The following NF2 variants were observed in gnomAD, a reference collection of about 807,000 sequenced individuals.
The protein encoded by NF2 is merlin.
A neutral mutation model predicts 83.7 loss-of-function variants in NF2; 8 were observed. That is an observed-to-expected ratio of 0.10 (90% CI 0.06 to 0.17). NF2 has a LOEUF of 0.17. Among genes scored for constraint, NF2 ranks in the 10% least tolerant of loss-of-function variants. NF2 has a pLI of 1.00. For missense variants in NF2, 533 were observed against 744.4 expected (o/e 0.72, Z 3.31); for synonymous variants, 266 against 269.6 (o/e 0.99, Z 0.13).
At chr22:29,608,172 CAA>C (rs570144418) in intron 1 of NF2, among the ~76,000 whole-genome samples, 471 of 31,614 alleles carry the variant, frequency 0.015, no homozygotes, top group Middle Eastern at 0.056. Flanking sequence ...GACTCTGTCT[CAA>C]AAAAAAAAAA....
In NF2 at chr22:29,636,791, G is replaced by A. The variant is rs1185209056; in HGVS notation, c.155G>A (p.Arg52Gln). 5.0e-6 allele frequency: 8 copies of A among 1,614,114 alleles called. No homozygotes were observed. Among genetic ancestry groups the A allele is most frequent in the Non-Finnish European group, 5.9e-6 (7 of 1,180,018 alleles). The change falls in exon 2 of 16, where the codon CGG (arginine) becomes CAG (glutamine). Residue 52 changes from arginine (R) to glutamine (Q), a missense_variant. Arg to Gln is a conservative substitution (Grantham distance 43, BLOSUM62 1). Coordinates refer to ENST00000338641, the MANE Select transcript of NF2 (RefSeq NM_000268.4). This position sits in a 1 kb window ranked among gnomAD's most constrained non-coding sequence, Gnocchi z 4.4. The stretch of plus-strand genomic sequence containing the variant: ...AAGGACCTCTTTGATTTGGTGTGCC[G>A]GACTCTGGGGCTCCGAGAAACCTGG... ...KGKDLFDLVC[R>Q]TLGLRETWFF...
intron 1 of NF2, among the ~76,000 whole-genome samples, chr22:29,608,059 G>A (rs1324384248): frequency 6.7e-6 from 1 of 149,242 alleles, no homozygotes; most frequent in Non-Finnish European, 1.5e-5. Flanking sequence ...TGTAGTCCCA[G>A]CTACGCGGGA....
At chr22:29,637,970 A>T (rs118004234) in intron 2 of NF2, among the ~76,000 whole-genome samples, 2,482 of 152,328 alleles carry the variant, frequency 0.016, 29 homozygotes, top group Middle Eastern at 0.037. Flanking sequence ...GTTTTTCATG[A>T]TTCTTAGCAA....
At chr22:29,659,187 A>G (rs1296583113) in intron 7 of NF2, among the ~76,000 whole-genome samples, 1 of 152,206 alleles carries the variant, frequency 6.6e-6, no homozygotes, top group Non-Finnish European at 1.5e-5. Context: ...AAGTTCTGTC[A>G]GTTTGTATTT....
chr22:29,633,976 C>A (rs939936543), intron 1 of NF2, among the ~76,000 whole-genome samples: 1 of 152,198 alleles, frequency 6.6e-6, no homozygotes, highest in Non-Finnish European at 1.5e-5. Context: ...CAATATCTGA[C>A]TCTTCTGAGA....
chr22:29,619,386 T>TTTTGTTTG lies in NF2; in HGVS notation c.114+15294_114+15301dup, dbSNP rs199935839. Among the ~76,000 whole-genome samples the TTTTGTTTG allele has an allele frequency of 2.5e-3, 370 of 148,716 alleles. 2 individuals are homozygous for TTTTGTTTG. The highest frequency in any genetic ancestry group is 5.9e-3 in the African/African-American group (237 of 40,230). ...ACCGCTGTGCTCTCCCATGGGTTTT[T>TTTTGTTTG]TTTGTTTGTTTGTTTGTTTGTTTGT... On this transcript the variant is annotated intron_variant, in intron 1 of 15. Coordinates refer to ENST00000338641, the MANE Select transcript of NF2 (RefSeq NM_000268.4).
chr22:29,659,001 C>T (rs1875820281), intron 7 of NF2, among the ~76,000 whole-genome samples: 1 of 152,126 alleles, frequency 6.6e-6, no homozygotes, highest in Non-Finnish European at 1.5e-5. Context: ...TGGGTTCCTA[C>T]AGTTGTTGTA....
At chr22:29,629,868 G>A (rs1307118913) in intron 1 of NF2, among the ~76,000 whole-genome samples, 1 of 152,188 alleles carries the variant, frequency 6.6e-6, no homozygotes, top group African/African-American at 2.4e-5. Context: ...CCACATTTTA[G>A]TATTCTCTTT....
chr22:29,681,682 T>A, intron 15 of NF2, 81 bp downstream of exon 15: 1 of 1,541,084 alleles, frequency 6.5e-7, no homozygotes, highest in Non-Finnish European at 9.0e-7. Context: ...GTTTCCTCAG[T>A]AGCCAAGTCA....
At chr22:29,651,284 T>C (rs2066141003) in intron 4 of NF2, among the ~76,000 whole-genome samples, 1 of 152,238 alleles carries the variant, frequency 6.6e-6, no homozygotes, top group Admixed American at 6.5e-5. Flanking sequence ...AACCTAAGTA[T>C]TGGCTCCACA....
Position 29,695,918 on chromosome 22 carries a change from C to CCT in NF2, c.*1118_*1119dup, listed in dbSNP as rs1282021996. On this transcript the variant is annotated 3_prime_UTR_variant, in exon 16 of 16. Coordinates refer to ENST00000338641, the MANE Select transcript of NF2 (RefSeq NM_000268.4). This position sits in a 1 kb window ranked among gnomAD's most constrained non-coding sequence, Gnocchi z 5.4. ...GGGGCCAGCCAGGGCCCTTTGTGCC[C>CCT]CTCCCAGCACAGGCCTGATGCAGGT... 1 of 233,388 alleles carries CCT rather than the reference C, an allele frequency of 4.3e-6. No individual in the cohort carries two copies. Among genetic ancestry groups the CCT allele is most frequent in the Non-Finnish European group, 8.5e-6 (1 of 118,216 alleles). The allele number at this position is 233,388 out of a possible 1,614,324, so 14.5% of individuals were successfully genotyped here.
At chr22:29,679,027 C>T (rs1035573673) in intron 14 of NF2, among the ~76,000 whole-genome samples, 2 of 152,252 alleles carry the variant, frequency 1.3e-5, no homozygotes, top group African/African-American at 2.4e-5. Context: ...AGCTACCATG[C>T]ATTGAGTGCC....
intron 10 of NF2, among the ~76,000 whole-genome samples, chr22:29,669,039 T>C (rs968310245): frequency 5.3e-5 from 8 of 152,240 alleles, no homozygotes; most frequent in African/African-American, 1.9e-4. Flanking sequence ...GCCTTACTGC[T>C]GAGAATATCA....
chr22:29,639,336 G>A (rs1298049348), intron 3 of NF2, 124 bp downstream of exon 3: 1 of 1,247,006 alleles, frequency 8.0e-7, no homozygotes, highest in Non-Finnish European at 1.2e-6. Flanking sequence ...TGGAAGGTCA[G>A]CCCCTTTGGT....
Position 29,694,989 on chromosome 22 carries a change from A to G in NF2, c.*187A>G. 1 of 659,954 alleles carries G rather than the reference A, an allele frequency of 1.5e-6. No homozygotes were observed. The highest frequency in any genetic ancestry group is 2.7e-6 in the Non-Finnish European group (1 of 366,548). The allele number at this position is 659,954 out of a possible 1,614,324, so 40.9% of individuals were successfully genotyped here. A position where few individuals can be genotyped will look rare whatever the true frequency, so the allele number is the denominator to read the frequency against. On this transcript the variant is annotated 3_prime_UTR_variant, in exon 16 of 16. Transcript: ENST00000338641. This position sits in a 1 kb window ranked among gnomAD's most constrained non-coding sequence, Gnocchi z 4.1. ...CAATTGCCTTGAACTACGACCCTGT[A>G]GAGATTTCTCTCATGGCGTTCTAGT...
At chr22:29,683,069 G>T in intron 15 of NF2, 1 of 1,614,204 alleles carries the variant, frequency 6.2e-7, no homozygotes. Context: ...CTCAAAGTAG[G>T]TTGTTCCCAG....
At chr22:29,608,556 C>T (rs1352944003) in intron 1 of NF2, among the ~76,000 whole-genome samples, 11 of 151,244 alleles carry the variant, frequency 7.3e-5, no homozygotes, top group African/African-American at 2.4e-5. Flanking sequence ...GTAACCCCAG[C>T]TACTTGGGAG....
intron 1 of NF2, among the ~76,000 whole-genome samples, chr22:29,620,994 A>C (rs1156837919): frequency 6.6e-6 from 1 of 152,202 alleles, no homozygotes; most frequent in Non-Finnish European, 1.5e-5. Flanking sequence ...GATACATAGC[A>C]TGCTTAAAGG....
At chr22:29,627,970 T>A (rs967180562) in intron 1 of NF2, among the ~76,000 whole-genome samples, 2 of 152,156 alleles carry the variant, frequency 1.3e-5, no homozygotes, top group African/African-American at 4.8e-5. Context: ...TAATAACGAG[T>A]GTCATAAATT....
Sources: gnomAD v4.1 joint callset for allele counts (sites outside exome capture counted in the v4.1 genomes callset) on GRCh38, gnomAD v4.1.1 for gene constraint, Gnocchi (gnomAD v3.1) non-coding constraint, MANE v1.5 for transcripts, NCBI Gene and HGNC (gene_info 2026-07-23, HGNC 2026-07-21) for gene names.